Variants in C8orf34 observed in about 807,000 individuals in gnomAD.
C8orf34 encodes uncharacterized protein C8orf34.
In C8orf34, 65 loss-of-function variants were observed where a neutral mutation model predicts 68.3. That is an observed-to-expected ratio of 0.95 (90% CI 0.78 to 1.17). The LOEUF (loss-of-function observed/expected upper bound fraction) is 1.17. Ranked by LOEUF, C8orf34 falls within the 50% of genes most tolerant of loss-of-function variation. The probability of loss-of-function intolerance (pLI) is 0.00; values close to 1 mark genes in which losing one functional copy is unlikely to be tolerated. For missense variants in C8orf34, 664 were observed against 655.4 expected (o/e 1.01, Z -0.14); for synonymous variants, 244 against 241.2 (o/e 1.01, Z -0.11).
At chr8:68,554,335 A>G (rs981640717) in intron 7 of C8orf34, among the ~76,000 whole-genome samples, 9 of 152,228 alleles carry the variant, frequency 5.9e-5, no homozygotes, top group Non-Finnish European at 7.4e-5. Flanking sequence ...CTTTGAATTA[A>G]GTTTAGTGGA....
chr8:68,527,178 C>T (rs1193394844), intron 6 of C8orf34, among the ~76,000 whole-genome samples: 1 of 152,042 alleles, frequency 6.6e-6, no homozygotes, highest in Non-Finnish European at 1.5e-5. Flanking sequence ...TCCAGGATGC[C>T]CCCTTTGTGT....
chr8:68,761,502 G>A (rs561150658), intron 10 of C8orf34, among the ~76,000 whole-genome samples: 9 of 152,264 alleles, frequency 5.9e-5, no homozygotes, highest in East Asian at 5.8e-4. Context: ...ACAAAAAACC[G>A]TCTAATTTCC....
chr8:68,373,986 G>A (rs2129619874), intron 1 of C8orf34, among the ~76,000 whole-genome samples: 1 of 152,294 alleles, frequency 6.6e-6, no homozygotes, highest in Middle Eastern at 3.4e-3. Context: ...CATGATTATA[G>A]CTCACTGTAA....
intron 1 of C8orf34, among the ~76,000 whole-genome samples, chr8:68,399,721 T>G (rs562054415): frequency 6.6e-6 from 1 of 152,306 alleles, no homozygotes; most frequent in African/African-American, 2.4e-5. Context: ...TTTCAGTTCT[T>G]TCAGAAATCT....
At chr8:68,643,527 C>T (rs1167688856) in intron 8 of C8orf34, among the ~76,000 whole-genome samples, 4 of 152,140 alleles carry the variant, frequency 2.6e-5, no homozygotes, top group Non-Finnish European at 5.9e-5. Flanking sequence ...CTTCAGGAGA[C>T]TGAGAAGTCC....
intron 3 of C8orf34, among the ~76,000 whole-genome samples, chr8:68,463,822 C>G (rs1391439227): frequency 1.3e-5 from 2 of 152,132 alleles, no homozygotes; most frequent in African/African-American, 4.8e-5. Flanking sequence ...ATGACAAACC[C>G]ACAGCTGATA....
chr8:68,732,288 G>A (rs1343359294), intron 10 of C8orf34, among the ~76,000 whole-genome samples: 1 of 152,102 alleles, frequency 6.6e-6, no homozygotes, highest in Non-Finnish European at 1.5e-5. Context: ...TAAATGAAAA[G>A]TAAAAATCCC....
chr8:68,395,829 G>A (rs923899569), intron 1 of C8orf34, among the ~76,000 whole-genome samples: 2 of 152,112 alleles, frequency 1.3e-5, no homozygotes, highest in African/African-American at 2.4e-5. Flanking sequence ...GAGTTGTGAC[G>A]TTGTGGGGTA....
At chr8:68,635,237 G>T (rs551181760) in intron 7 of C8orf34, among the ~76,000 whole-genome samples, 13 of 152,196 alleles carry the variant, frequency 8.5e-5, no homozygotes, top group African/African-American at 2.9e-4. Context: ...TAATTGCCAT[G>T]GCACTCCATA....
At chr8:68,678,646 G>A (rs1370691443) in intron 8 of C8orf34, among the ~76,000 whole-genome samples, 1 of 151,960 alleles carries the variant, frequency 6.6e-6, no homozygotes, top group Non-Finnish European at 1.5e-5. Flanking sequence ...ATACTGAATG[G>A]GGAAAAACTG....
chr8:68,567,070 T>C (rs1816612211), intron 7 of C8orf34, among the ~76,000 whole-genome samples: 1 of 152,178 alleles, frequency 6.6e-6, no homozygotes, highest in Admixed American at 6.5e-5. Context: ...TGTTCATCTA[T>C]GTTGGTCTGT....
At chr8:68,433,421 A>G (rs1355734980) in intron 1 of C8orf34, among the ~76,000 whole-genome samples, 1 of 152,192 alleles carries the variant, frequency 6.6e-6, no homozygotes, top group Non-Finnish European at 1.5e-5. Context: ...TTTAACAAAA[A>G]AGGCCATGTA....
At position 68,721,419 on chromosome 8, in the gene C8orf34, AT is replaced by A; in HGVS notation, c.1387del (p.Ser463LeufsTer3). On this transcript the variant is annotated frameshift_variant, in exon 10 of 14. Transcript: ENST00000518698. LOFTEE classifies it high-confidence loss of function. Reference protein sequence around the residue: ...MEEGDEFEKASKLTGPGEASS... With the variant: ...MEEGDEFEKAXKLTGPGEASS... ...AGGAGGGTGACGAATTTGAGAAAGC[AT>A]CTAAACTAACAGGACCTGTAAGTAT... 1.9e-6 allele frequency: 3 copies of A among 1,608,010 alleles called. No individual in the cohort carries two copies. The highest frequency in any genetic ancestry group is 2.6e-6 in the Non-Finnish European group (3 of 1,175,568).
chr8:68,522,010 C>T (rs773682873), intron 6 of C8orf34, 39 bp downstream of exon 6: 2 of 1,544,622 alleles, frequency 1.3e-6, no homozygotes, highest in Non-Finnish European at 1.8e-6. Context: ...TATTACTAGT[C>T]ATTAAAAGGT....
chr8:68,589,507 G>A (rs1308312461), intron 7 of C8orf34, among the ~76,000 whole-genome samples: 1 of 30,292 alleles, frequency 3.3e-5, no homozygotes, highest in Non-Finnish European at 7.4e-5. Flanking sequence ...GAGAGAGAAC[G>A]AGAGAGAGAA....
chr8:68,553,110 G>A (rs990844457), intron 7 of C8orf34, among the ~76,000 whole-genome samples: 2 of 152,006 alleles, frequency 1.3e-5, no homozygotes, highest in African/African-American at 4.8e-5. Context: ...CTGGGGCCAG[G>A]CATGGTGGCT....
At chr8:68,686,060 A>G (rs1308456817) in intron 8 of C8orf34, among the ~76,000 whole-genome samples, 1 of 152,058 alleles carries the variant, frequency 6.6e-6, no homozygotes, top group African/African-American at 2.4e-5. Flanking sequence ...TCCTGGAAAC[A>G]TACAACCCTC....
chr8:68,454,318 G>T (rs1226546736), intron 3 of C8orf34, among the ~76,000 whole-genome samples: 1 of 151,840 alleles, frequency 6.6e-6, no homozygotes, highest in African/African-American at 2.4e-5. Flanking sequence ...AGATTTTTTT[G>T]GAAGAATAGA....
intron 8 of C8orf34, among the ~76,000 whole-genome samples, chr8:68,649,912 T>C (rs1819293905): frequency 6.6e-6 from 1 of 151,976 alleles, no homozygotes; most frequent in South Asian, 2.1e-4. Context: ...GCCTATGGGG[T>C]TATAGTGGAA....
Sources: gnomAD v4.1 joint callset for allele counts (sites outside exome capture counted in the v4.1 genomes callset) on GRCh38, gnomAD v4.1.1 for gene constraint, MANE v1.5 for transcripts, NCBI Gene and HGNC (gene_info 2026-07-23, HGNC 2026-07-21) for gene names.